CDH18: variants seen among roughly 807,000 people sequenced by gnomAD.
The protein encoded by CDH18 is cadherin 18, also known as cadherin-18.
In CDH18, 31 loss-of-function variants were observed where a neutral mutation model predicts 67.9. The observed-to-expected ratio is 0.46, with a 90% CI of 0.34 to 0.62. The LOEUF (loss-of-function observed/expected upper bound fraction) is 0.62. Ranked by LOEUF, CDH18 falls within the 20% of genes least tolerant of loss-of-function variation. CDH18 has a pLI of 0.01. For synonymous variants in CDH18, 362 were observed against 347.2 expected (o/e 1.04, Z -0.48); for missense variants, 890 against 975.5 (o/e 0.91, Z 1.17).
intron 2 of CDH18, among the ~76,000 whole-genome samples, chr5:20,168,193 T>C (rs184076289): frequency 6.6e-6 from 1 of 152,242 alleles, no homozygotes; most frequent in East Asian, 1.9e-4. Flanking sequence ...AAATAACATA[T>C]TTAAAGATGC....
intron 1 of CDH18, among the ~76,000 whole-genome samples, chr5:20,361,806 T>C (rs1024229988): frequency 6.6e-6 from 1 of 152,166 alleles, no homozygotes; most frequent in Non-Finnish European, 1.5e-5. Context: ...GTGCATTATG[T>C]TAGCTTATTT....
intron 1 of CDH18, among the ~76,000 whole-genome samples, chr5:20,482,813 T>C (rs961426391): frequency 1.3e-5 from 2 of 152,032 alleles, no homozygotes; most frequent in African/African-American, 4.8e-5. Flanking sequence ...CCACAGCTAG[T>C]ACTATACTTA....
At position 20,214,113 on chromosome 5, in the gene CDH18, C is replaced by A. The variant is rs527291423; in HGVS notation, c.-518+41331G>T. On this transcript the variant is annotated intron_variant, in intron 2 of 14. Coordinates refer to the CDH18 transcript ENST00000507958. ...ATTACCACGAAAAAGAATGAAATAC[C>A]TAGAAATATAGCTATCAAGAAAGGT... Among the ~76,000 whole-genome samples, 8 of 151,976 alleles carry A rather than the reference C, an allele frequency of 5.3e-5. 1 individual carries two copies. The South Asian group carries it at 1.5e-3, about 28-fold the overall frequency.
chr5:20,422,519 T>A (rs1375584568), intron 1 of CDH18, among the ~76,000 whole-genome samples: 1 of 151,062 alleles, frequency 6.6e-6, no homozygotes, highest in Non-Finnish European at 1.5e-5. Context: ...TTGTTTTCTG[T>A]GAATGGATTT....
At chr5:20,294,362 A>C (rs1747328133) in intron 1 of CDH18, among the ~76,000 whole-genome samples, 1 of 152,190 alleles carries the variant, frequency 6.6e-6, no homozygotes, top group South Asian at 2.1e-4. Flanking sequence ...GGAAAGCAAT[A>C]ATGTCTATCA....
intron 11 of CDH18, among the ~76,000 whole-genome samples, chr5:19,495,507 G>A (rs1005367467): frequency 6.6e-6 from 1 of 151,892 alleles, no homozygotes; most frequent in South Asian, 2.1e-4. Context: ...TTGGGAGGCC[G>A]AGATGGGCAG....
chr5:20,462,195 G>T (rs1475744542), intron 1 of CDH18, among the ~76,000 whole-genome samples: 3 of 152,162 alleles, frequency 2.0e-5, no homozygotes. Flanking sequence ...AAAAAATAAT[G>T]AAATCATGTC....
chr5:20,227,267 G>A (rs1224320666), intron 2 of CDH18, among the ~76,000 whole-genome samples: 2 of 152,166 alleles, frequency 1.3e-5, no homozygotes, highest in Admixed American at 6.6e-5. Context: ...GAAAATTCAT[G>A]GTTTCCAGTG....
At chr5:20,537,028 G>C (rs1756764590) in intron 1 of CDH18, among the ~76,000 whole-genome samples, 1 of 152,044 alleles carries the variant, frequency 6.6e-6, no homozygotes, top group African/African-American at 2.4e-5. Context: ...TCCTGCCTAT[G>C]GTGTCTGCCT....
intron 2 of CDH18, among the ~76,000 whole-genome samples, chr5:20,003,576 A>T (rs1736624633): frequency 6.6e-6 from 1 of 152,140 alleles, no homozygotes; most frequent in Admixed American, 6.5e-5. Flanking sequence ...CTAACAAATG[A>T]TTTTATATCA....
At chr5:19,519,419 A>G (rs1157130527) in intron 10 of CDH18, among the ~76,000 whole-genome samples, 1 of 152,152 alleles carries the variant, frequency 6.6e-6, no homozygotes, top group African/African-American at 2.4e-5. Flanking sequence ...TTGGGAAGGT[A>G]TACTCATTTG....
At chr5:19,921,064 T>C (rs901727749) in intron 2 of CDH18, among the ~76,000 whole-genome samples, 8 of 151,970 alleles carry the variant, frequency 5.3e-5, no homozygotes, top group African/African-American at 1.9e-4. Context: ...AACCATGATA[T>C]GAAAATAAAT....
chr5:19,857,538 T>C (rs1001722423), intron 2 of CDH18, among the ~76,000 whole-genome samples: 1 of 152,176 alleles, frequency 6.6e-6, no homozygotes, highest in Non-Finnish European at 1.5e-5. Context: ...GAAACAGTCA[T>C]ATATATGTCT....
intron 1 of CDH18, among the ~76,000 whole-genome samples, chr5:20,326,874 T>A (rs1738648027): frequency 1.3e-5 from 2 of 152,174 alleles, no homozygotes; most frequent in African/African-American, 4.8e-5. Context: ...TGAAACTGAA[T>A]GTAAATATAT....
intron 1 of CDH18, among the ~76,000 whole-genome samples, chr5:20,291,687 T>C (rs1425213596): frequency 2.0e-5 from 3 of 152,136 alleles, no homozygotes; most frequent in African/African-American, 7.2e-5. Context: ...AGATAGGATT[T>C]TAAACAGGTT....
chr5:19,698,519 T>TA (rs1379284423), intron 5 of CDH18, among the ~76,000 whole-genome samples: 3 of 152,094 alleles, frequency 2.0e-5, no homozygotes, highest in African/African-American at 7.2e-5. Context: ...TAATGATCTC[T>TA]AAAACAGCTA....
chr5:20,106,564 A>G (rs1746957236), intron 2 of CDH18, among the ~76,000 whole-genome samples: 1 of 152,230 alleles, frequency 6.6e-6, no homozygotes, highest in Non-Finnish European at 1.5e-5. Context: ...ATTATTTGGA[A>G]TAATTATGAT....
At chr5:20,297,058 A>G (rs1747595207) in intron 1 of CDH18, among the ~76,000 whole-genome samples, 1 of 152,092 alleles carries the variant, frequency 6.6e-6, no homozygotes, top group Non-Finnish European at 1.5e-5. Flanking sequence ...CTAACTAGAA[A>G]TAATTTAATG....
intron 1 of CDH18, among the ~76,000 whole-genome samples, chr5:20,271,338 A>T (rs1745419686): frequency 6.6e-6 from 1 of 152,050 alleles, no homozygotes; most frequent in Admixed American, 6.6e-5. Context: ...AATGAGAGGA[A>T]TAAGTTTTTG....
Sources: gnomAD v4.1 joint callset for allele counts (sites outside exome capture counted in the v4.1 genomes callset) on GRCh38, gnomAD v4.1.1 for gene constraint, MANE v1.5 for transcripts, NCBI Gene and HGNC (gene_info 2026-07-23, HGNC 2026-07-21) for gene names.